Variants in DTL observed in about 807,000 individuals in gnomAD.
DTL encodes the protein denticleless E3 ubiquitin protein ligase adapter, also known as denticleless protein homolog.
Under a neutral mutation model 87.0 loss-of-function variants are expected in DTL, and 46 were observed. The ratio of observed to expected loss-of-function variants is 0.53; its 90% CI spans 0.42 to 0.68. The LOEUF (loss-of-function observed/expected upper bound fraction) is 0.68. Ranked by LOEUF, DTL falls within the 30% of genes least tolerant of loss-of-function variation. The pLI, the probability that DTL is intolerant of heterozygous loss-of-function variation, is 0.00. For synonymous variants in DTL, 308 were observed against 311.2 expected (o/e 0.99, Z 0.11); for missense variants, 737 against 869.4 (o/e 0.85, Z 1.91).
intron 5 of DTL, among the ~76,000 whole-genome samples, chr1:212,057,739 A>G (rs1316415991): frequency 6.6e-6 from 1 of 152,184 alleles, no homozygotes; most frequent in Non-Finnish European, 1.5e-5. Context: ...TCACATATCA[A>G]TAACGTTGAA....
chr1:212,045,191 G>T (rs1444909918), intron 3 of DTL, among the ~76,000 whole-genome samples: 1 of 152,160 alleles, frequency 6.6e-6, no homozygotes, highest in Non-Finnish European at 1.5e-5. Context: ...CAACTTTGGG[G>T]ATTAAATTAT....
chr1:212,096,952 A>G (rs951891555), intron 13 of DTL, among the ~76,000 whole-genome samples: 1 of 152,126 alleles, frequency 6.6e-6, no homozygotes, highest in Non-Finnish European at 1.5e-5. Context: ...GAAGTCCCCC[A>G]CTATGAGATG....
At chr1:212,078,116 C>T (rs910728343) in intron 11 of DTL, 57 bp from the exon 12 acceptor site, 13 of 1,076,494 alleles carry the variant, frequency 1.2e-5, no homozygotes, top group Non-Finnish European at 1.7e-5. Flanking sequence ...ATTCAAAGGC[C>T]TCTATCTGGG....
intron 1 of DTL, among the ~76,000 whole-genome samples, chr1:212,036,629 G>T (rs1667473172): frequency 2.0e-5 from 3 of 152,170 alleles, no homozygotes; most frequent in Non-Finnish European, 4.4e-5. Context: ...CACTTTAATG[G>T]TATAAGTTGA....
intron 1 of DTL, among the ~76,000 whole-genome samples, chr1:212,042,287 TC>T (rs1667676114): frequency 6.6e-6 from 1 of 152,156 alleles, no homozygotes; most frequent in Non-Finnish European, 1.5e-5. Flanking sequence ...AAACTTTTCT[TC>T]TACCCTGAGT....
At position 212,035,953 on chromosome 1, in the gene DTL, G is replaced by T. The variant is rs1667436631; in HGVS notation, c.52+11G>T. The stretch of plus-strand genomic sequence containing the variant: ...GCGTCCTGAGAAATGGTGAGTAACG[G>T]TCCCAACCGCTGCTCGGAGCTGGCG... On this transcript the variant is annotated intron_variant, in intron 1 of 14. Transcript: ENST00000366991. The T allele has an allele frequency of 6.2e-7, 1 of 1,613,754 alleles. No individual in the cohort carries two copies. The highest frequency in any genetic ancestry group is 8.5e-7 in the Non-Finnish European group (1 of 1,179,830).
Position 212,051,619 on chromosome 1 carries a change from G to A in DTL, c.460+4202G>A, listed in dbSNP as rs527491173. The stretch of plus-strand genomic sequence containing the variant: ...GCTTCTCTGGGTGGAGCAGGCTGGC[G>A]CTTTAGTTGAACCCAGGTACCTTTC... On this transcript the variant is annotated intron_variant, in intron 5 of 14. Coordinates refer to ENST00000366991, the MANE Select transcript of DTL (RefSeq NM_016448.4). The A allele has an allele frequency of 2.9e-3, 2,350 of 819,566 alleles. 36 individuals carry two copies. In the African/African-American group the frequency reaches 0.034, roughly 12 times the overall value. The allele number at this position is 819,566 out of a possible 1,614,324, so 50.8% of individuals were successfully genotyped here. A position where few individuals can be genotyped will look rare whatever the true frequency, so the allele number is the denominator to read the frequency against.
chr1:212,081,471 CA>C (rs1654989266), intron 13 of DTL, among the ~76,000 whole-genome samples: 1 of 152,170 alleles, frequency 6.6e-6, no homozygotes, highest in Non-Finnish European at 1.5e-5. Flanking sequence ...AAAAGTCCAC[CA>C]GAGGGTTTGG....
chr1:212,085,969 C>T (rs1440434262), intron 13 of DTL, among the ~76,000 whole-genome samples: 3 of 152,226 alleles, frequency 2.0e-5, no homozygotes, highest in Non-Finnish European at 4.4e-5. Flanking sequence ...TCTGACTTCT[C>T]AATTCCATTG....
intron 1 of DTL, among the ~76,000 whole-genome samples, chr1:212,042,518 G>T (rs1283191130): frequency 6.6e-6 from 1 of 152,212 alleles, no homozygotes; most frequent in Non-Finnish European, 1.5e-5. Context: ...AAGGAAAACA[G>T]AAGTAAATTT....
At chr1:212,038,789 T>G (rs111807316) in intron 1 of DTL, among the ~76,000 whole-genome samples, 3,954 of 152,320 alleles carry the variant, frequency 0.026, 58 homozygotes, top group African/African-American at 0.046. Context: ...TATCTAAAAG[T>G]TTTTATTATA....
At chr1:212,038,644 G>T (rs970426164) in intron 1 of DTL, among the ~76,000 whole-genome samples, 1 of 152,130 alleles carries the variant, frequency 6.6e-6, no homozygotes, top group Non-Finnish European at 1.5e-5. Flanking sequence ...GGGCCCTAAT[G>T]CCTTCTTGTC....
At chr1:212,057,317 A>G (rs1668207214) in intron 5 of DTL, among the ~76,000 whole-genome samples, 1 of 151,690 alleles carries the variant, frequency 6.6e-6, no homozygotes, top group African/African-American at 2.4e-5. Context: ...CAGAAATCTT[A>G]TAGTTCAGGA....
chr1:212,046,923 G>C (rs1007613463), intron 3 of DTL, among the ~76,000 whole-genome samples: 1 of 152,120 alleles, frequency 6.6e-6, no homozygotes, highest in East Asian at 1.9e-4. Flanking sequence ...TAAAACTGTT[G>C]CTATCTCTCC....
intron 13 of DTL, among the ~76,000 whole-genome samples, chr1:212,082,092 A>C (rs1391987927): frequency 1.3e-5 from 2 of 152,214 alleles, no homozygotes; most frequent in Non-Finnish European, 2.9e-5. Context: ...ACAACCAGAG[A>C]AGTAAGAGAA....
intron 13 of DTL, among the ~76,000 whole-genome samples, chr1:212,092,870 T>A (rs953847779): frequency 1.3e-5 from 2 of 152,198 alleles, no homozygotes; most frequent in Non-Finnish European, 2.9e-5. Context: ...TTGTACTAGT[T>A]TACATTCCCA....
intron 1 of DTL, among the ~76,000 whole-genome samples, chr1:212,040,672 G>T (rs545910279): frequency 6.6e-6 from 1 of 152,230 alleles, no homozygotes; most frequent in East Asian, 1.9e-4. Flanking sequence ...CCAACTATGT[G>T]ACAGACAAAG....
Position 212,104,942 on chromosome 1 carries a change from GT to G in DTL, c.*2005del, listed in dbSNP as rs1233029301. Reference sequence around the variant, plus strand: ...ATCCCTTCTACTTGTTCATTAAAATGTTTATTCCCAAAGTTATAATCTATTT... The same window carrying G: ...ATCCCTTCTACTTGTTCATTAAAATGTTATTCCCAAAGTTATAATCTATTT... On this transcript the variant is annotated 3_prime_UTR_variant, in exon 15 of 15. Coordinates refer to ENST00000366991, the MANE Select transcript of DTL (RefSeq NM_016448.4). 2 of 152,176 alleles carry G rather than the reference GT, an allele frequency of 1.3e-5. No homozygotes were observed. The highest frequency in any genetic ancestry group is 1.3e-4 in the Admixed American group (2 of 15,278). 9.4% of individuals were successfully genotyped at this position (152,176 alleles called of 1,614,324 possible).
chr1:212,066,670 C>T lies in DTL; in HGVS notation c.640-142C>T, dbSNP rs1654515798. ...CTTGCTAAAATTACCTCTTGGTCAGCATATATATCTGATCGAGATCATTAG... is the reference window on the plus strand; with the variant it reads ...CTTGCTAAAATTACCTCTTGGTCAGTATATATATCTGATCGAGATCATTAG... On this transcript the variant is annotated intron_variant, in intron 7 of 14. Coordinates refer to ENST00000366991, the MANE Select transcript of DTL (RefSeq NM_016448.4). 1.8e-5 allele frequency: 11 copies of T among 628,522 alleles called. No individual in the cohort carries two copies. The South Asian group carries it at 2.2e-4, about 12-fold the overall frequency. 38.9% of individuals were successfully genotyped at this position (628,522 alleles called of 1,614,324 possible). A position where few individuals can be genotyped will look rare whatever the true frequency, so the allele number is the denominator to read the frequency against.
Sources: allele counts gnomAD v4.1 joint callset (sites outside exome capture counted in the v4.1 genomes callset), GRCh38; gene constraint gnomAD v4.1.1; transcripts MANE v1.5; gene names NCBI Gene and HGNC (gene_info 2026-07-23, HGNC 2026-07-21).